The following PTCD1 variants were observed in gnomAD, a reference collection of about 807,000 sequenced individuals.
PTCD1 encodes the protein pentatricopeptide repeat-containing protein 1, mitochondrial.
PTCD1 carries 50 observed loss-of-function variants against 53.4 expected under a neutral mutation model. The observed-to-expected ratio is 0.94, with a 90% CI of 0.75 to 1.19. The LOEUF is 1.19. Ranked by LOEUF, PTCD1 falls within the 50% of genes most tolerant of loss-of-function variation. The probability of loss-of-function intolerance (pLI) is 0.00; values close to 1 mark genes in which losing one functional copy is unlikely to be tolerated. For missense variants in PTCD1, 918 were observed against 904.8 expected (o/e 1.01, Z -0.19); for synonymous variants, 413 against 394.8 (o/e 1.05, Z -0.55).
At chr7:99,436,149 C>T (rs934630773) in intron 1 of PTCD1, among the ~76,000 whole-genome samples, 1 of 151,986 alleles carries the variant, frequency 6.6e-6, no homozygotes, top group Non-Finnish European at 1.5e-5. Flanking sequence ...TTGCTATGTG[C>T]CCAGGCTGGT....
rs1289156986 is a variant in PTCD1, at chr7:99,423,931, G to A, written c.1764C>T (p.His588=). 3 of 1,614,086 alleles carry A rather than the reference G, an allele frequency of 1.9e-6. No homozygotes were observed. The African/African-American group carries it at 4.0e-5, about 22-fold the overall frequency. ...CCGCGTTGATGAGGGCACTGTAGAT[G>A]TGAGTGTTGGGGGTCACCTGGGACT... ...MKKSQVTPNT[H]IYSALINAAI... The change falls in exon 7 of 8, where the codon CAC becomes CAT. Residue 588 remains histidine, a synonymous_variant. Transcript: ENST00000292478.
chr7:99,433,219 T>C, intron 3 of PTCD1, 59 bp downstream of exon 3: 1 of 1,613,826 alleles, frequency 6.2e-7, no homozygotes, highest in South Asian at 1.1e-5. Context: ...AGTGGCACAC[T>C]TGGGATCCGC....
intron 3 of PTCD1, 35 bp from the exon 4 acceptor site, chr7:99,429,841 G>T (rs751221640): frequency 2.5e-6 from 4 of 1,611,654 alleles, no homozygotes; most frequent in Non-Finnish European, 3.4e-6. Context: ...GGTGGCCCGG[G>T]ATCAGCTGGA....
At position 99,419,422 on chromosome 7, in the gene PTCD1, G is replaced by T; in HGVS notation, c.*545C>A. ...ATCATCGAGTGCACACACTGTGGCT[G>T]TCGTGGCTGCTCTGGCTGAGGCTGG... is the stretch of plus-strand genomic sequence containing the variant. On this transcript the variant is annotated 3_prime_UTR_variant, in exon 8 of 8. Transcript: ENST00000292478. The T allele has an allele frequency of 6.2e-7, 1 of 1,612,976 alleles. No individual in the cohort carries two copies. Among genetic ancestry groups the T allele is most frequent in the Non-Finnish European group, 8.5e-7 (1 of 1,180,020 alleles).
chr7:99,427,743 C>T (rs1254462585), intron 5 of PTCD1, among the ~76,000 whole-genome samples: 3 of 151,902 alleles, frequency 2.0e-5, no homozygotes, highest in Non-Finnish European at 4.4e-5. Context: ...GGAGACTTTT[C>T]ATTTTGTTCT....
chr7:99,420,265 G>T, intron 7 of PTCD1, 116 bp from the exon 8 acceptor site: 1 of 1,451,272 alleles, frequency 6.9e-7, no homozygotes. Flanking sequence ...CTTCCAGGTG[G>T]CTGCAGAGGA....
In PTCD1 at chr7:99,429,781, G is replaced by A. The variant is rs768235559; in HGVS notation, c.620C>T (p.Ser207Leu). ...GAACAGGGCCGTGTAGGTGGCGTCCGAGGGCTCCAGGTCCCGCTTTTTCAT... is the reference window on the plus strand; with the variant it reads ...GAACAGGGCCGTGTAGGTGGCGTCCAAGGGCTCCAGGTCCCGCTTTTTCAT... Reference protein sequence around the residue: ...NQMKKRDLEPSDATYTALFNV... With the variant: ...NQMKKRDLEPLDATYTALFNV... Residue 207 changes from serine to leucine, a missense_variant, in exon 4 of 8, where the codon TCG becomes TTG. Ser to Leu is a moderately radical substitution (Grantham distance 145). Coordinates refer to ENST00000292478, the MANE Select transcript of PTCD1 (RefSeq NM_015545.4). 31 of 1,614,052 alleles carry A rather than the reference G, an allele frequency of 1.9e-5. No homozygotes were observed. Among genetic ancestry groups the A allele is most frequent in the Admixed American group, 5.0e-5 (3 of 59,990 alleles).
rs149303381 is a variant in PTCD1, at chr7:99,417,521, C to T, written c.*2446G>A. 71 of 1,611,238 alleles carry T rather than the reference C, an allele frequency of 4.4e-5. No homozygotes were observed. Among genetic ancestry groups the T allele is most frequent in the Non-Finnish European group, 5.2e-5 (61 of 1,178,168 alleles). On this transcript the variant is annotated 3_prime_UTR_variant, in exon 8 of 8. Coordinates refer to ENST00000292478, the MANE Select transcript of PTCD1 (RefSeq NM_015545.4). The stretch of plus-strand genomic sequence containing the variant: ...AGGATATGAGAACTTGTGCTGCCTG[C>T]GGTGCATTCAGACACGGGACACCAA...
At chr7:99,438,653 G>A (rs965704600) in intron 1 of PTCD1, 39 bp downstream of exon 1, 9 of 1,236,330 alleles carry the variant, frequency 7.3e-6, no homozygotes, top group African/African-American at 4.8e-5. Flanking sequence ...GTCTTGGCCC[G>A]GGTCCCGGGG....
chr7:99,424,764 G>A (rs1795952734), intron 6 of PTCD1, 31 bp downstream of exon 6: 1 of 1,612,624 alleles, frequency 6.2e-7, no homozygotes, highest in African/African-American at 1.3e-5. Context: ...TGAGCACCAT[G>A]GGTGTCCTGC....
intron 1 of PTCD1, 23 bp from the exon 2 acceptor site, chr7:99,435,291 A>T (rs1796415524): frequency 6.3e-7 from 1 of 1,599,458 alleles, no homozygotes; most frequent in South Asian, 1.1e-5. Context: ...AGGAAAAATA[A>T]GAGAGTCAAC....
rs1021089974 is a variant in PTCD1, at chr7:99,423,927, A to C, written c.1768T>G (p.Tyr590Asp). Reference sequence around the variant, plus strand: ...ATGGCCGCGTTGATGAGGGCACTGTAGATGTGAGTGTTGGGGGTCACCTGG... The same window carrying C: ...ATGGCCGCGTTGATGAGGGCACTGTCGATGTGAGTGTTGGGGGTCACCTGG... ...KSQVTPNTHI[Y>D]SALINAAIRK... Residue 590 changes from tyrosine (Y) to aspartate (D), a missense_variant, in exon 7 of 8, where the codon TAC (tyrosine) becomes GAC (aspartate). Transcript: ENST00000292478. The C allele has an allele frequency of 6.2e-7, 1 of 1,614,152 alleles. No homozygotes were observed. The highest frequency in any genetic ancestry group is 1.6e-4 in the Middle Eastern group (1 of 6,062).
rs749966548 is a variant in PTCD1 at position 99,434,903 on chromosome 7, A to C, written c.340T>G (p.Phe114Val). Residue 114 changes from phenylalanine (F) to valine (V), a missense_variant, in exon 2 of 8, where the codon TTT (phenylalanine) becomes GTT (valine). Physicochemically the swap from Phe to Val is conservative, Grantham distance 50. Transcript: ENST00000292478. ...KSAAQFHNLR[F>V]GERRDEQMEP... is the part of the protein sequence containing the mutation. ...ATTTGCTCATCTCTCCGTTCCCCAA[A>C]CCGCAGGTTATGGAACTGGGCTGCG... is the stretch of plus-strand genomic sequence containing the variant. The C allele has an allele frequency of 1.2e-5, 19 of 1,614,018 alleles. No homozygotes were observed. The highest frequency in any genetic ancestry group is 8.9e-5 in the East Asian group (4 of 44,886).
chr7:99,424,145 T>A (rs564635633), intron 6 of PTCD1, among the ~76,000 whole-genome samples, 188 bp from the exon 7 acceptor site: 29 of 152,272 alleles, frequency 1.9e-4, no homozygotes, highest in African/African-American at 6.7e-4. Flanking sequence ...TGCTCAGCCC[T>A]AAAGAAGCTG....
intron 7 of PTCD1, among the ~76,000 whole-genome samples, chr7:99,423,028 G>A (rs1490245863): frequency 1.3e-5 from 2 of 150,458 alleles, no homozygotes; most frequent in Non-Finnish European, 3.0e-5. Flanking sequence ...CCACCACACC[G>A]GGCGAGAGCT....
intron 6 of PTCD1, 51 bp from the exon 7 acceptor site, chr7:99,424,008 C>A: frequency 6.3e-7 from 1 of 1,592,738 alleles, no homozygotes; most frequent in South Asian, 1.1e-5. Context: ...CATTGGGACC[C>A]AGCAGCTCCC....
chr7:99,422,326 C>A, intron 7 of PTCD1, among the ~76,000 whole-genome samples: 1 of 152,220 alleles, frequency 6.6e-6, no homozygotes, highest in East Asian at 1.9e-4. Context: ...CTTGTTTCCG[C>A]CCCATCCGGG....
rs760429256 is a variant in PTCD1, at chr7:99,420,076, A to C, written c.1994T>G (p.Met665Arg). The C allele has an allele frequency of 2.5e-6, 4 of 1,614,096 alleles. No homozygotes were observed. The stretch of plus-strand genomic sequence containing the variant: ...GGGGTGCGGGGTTTCCTCTGCGGGC[A>C]TCACTGTCAGCCACTGCTTGTAATA... ...RAYYKQWLTV[M>R]PAEETPHPWQ... Residue 665 changes from methionine to arginine, a missense_variant, in exon 8 of 8, where the codon ATG becomes AGG. Met to Arg is a moderately conservative substitution (Grantham distance 91, BLOSUM62 -1). Transcript: ENST00000292478.
chr7:99,419,196 G>A lies in PTCD1; in HGVS notation c.*771C>T, dbSNP rs1795681146. Reference sequence around the variant, plus strand: ...TAAATAGACATACAGATGTAACCTCGGTGTCAACAGCAGCTGGTTCTACCT... The same window carrying A: ...TAAATAGACATACAGATGTAACCTCAGTGTCAACAGCAGCTGGTTCTACCT... On this transcript the variant is annotated 3_prime_UTR_variant, in exon 8 of 8. Coordinates refer to ENST00000292478, the MANE Select transcript of PTCD1 (RefSeq NM_015545.4). 3 of 599,508 alleles carry A rather than the reference G, an allele frequency of 5.0e-6. No individual in the cohort carries two copies. The highest frequency in any genetic ancestry group is 2.0e-5 in the South Asian group (1 of 50,952). 37.1% of individuals were successfully genotyped at this position (599,508 alleles called of 1,614,324 possible).
Sources: gnomAD v4.1 joint callset for allele counts (sites outside exome capture counted in the v4.1 genomes callset) on GRCh38, gnomAD v4.1.1 for gene constraint, MANE v1.5 for transcripts, NCBI Gene and HGNC (gene_info 2026-07-23, HGNC 2026-07-21) for gene names.